SIAE: variants seen among roughly 807,000 people sequenced by gnomAD.
SIAE encodes sialic acid acetylesterase.
A neutral mutation model predicts 52.6 loss-of-function variants in SIAE; 39 were observed. That is an observed-to-expected ratio of 0.74 (90% confidence interval 0.57 to 0.97). The LOEUF is 0.97. Ranked by LOEUF, SIAE falls within the 50% of genes least tolerant of loss-of-function variation. The pLI is 0.00. For synonymous variants in SIAE, 233 were observed against 241.4 expected, an observed-to-expected ratio of 0.97 and a Z score of 0.32; for missense variants, 592 against 662.1, an observed-to-expected ratio of 0.89 and a Z score of 1.16.
At chr11:124,654,492 A>C in intron 4 of SIAE, 163 bp downstream of exon 4, 1 of 985,428 alleles carries the variant, frequency 1.0e-6, no homozygotes, top group Non-Finnish European at 1.2e-6. Flanking sequence ...TTGGGAAGAA[A>C]CCTGAAATAG....
chr11:124,639,913 A>C (rs1942817258), intron 7 of SIAE, 46 bp from the exon 8 acceptor site: 3 of 1,605,696 alleles, frequency 1.9e-6, no homozygotes, highest in Middle Eastern at 1.6e-4. Flanking sequence ...AGAATCCCAC[A>C]CTGGAGTCTT....
chr11:124,667,306 C>T (rs10400211), intron 2 of SIAE, among the ~76,000 whole-genome samples: 3,756 of 152,248 alleles, frequency 0.025, 133 homozygotes, highest in African/African-American at 0.079. Flanking sequence ...AAGTCACTGA[C>T]GGCATTTAGA....
chr11:124,664,916 G>A (rs10893281), intron 2 of SIAE, among the ~76,000 whole-genome samples: 18,452 of 119,870 alleles, frequency 0.15, 3,034 homozygotes, highest in African/African-American at 0.44. Context: ...GTTCCTCACT[G>A]GCTGCAAAGT....
At chr11:124,638,448 C>G in intron 9 of SIAE, 94 bp downstream of exon 9, 1 of 1,381,684 alleles carries the variant, frequency 7.2e-7, no homozygotes, top group Non-Finnish European at 1.0e-6. Flanking sequence ...CAAGACCCGC[C>G]ACATCGTAAT....
At position 124,638,571 on chromosome 11, in the gene SIAE, C is replaced by T. The variant is rs768637533; in HGVS notation, c.1291G>A (p.Val431Met). ...LNLTYYQQIQ[V>M]QKKDNKIFEI... ...AATATCTTGTTGTCCTTTTTCTGCACCTGGATTTGCTGGTAATATGTGAGA... is the reference window on the plus strand; with the variant it reads ...AATATCTTGTTGTCCTTTTTCTGCATCTGGATTTGCTGGTAATATGTGAGA... The change falls in exon 9 of 10, where the codon GTG (valine) becomes ATG (methionine). Residue 431 changes from valine to methionine, a missense_variant. Coordinates refer to ENST00000263593, the MANE Select transcript of SIAE (RefSeq NM_170601.5). 1 of 1,614,132 alleles carries T rather than the reference C, an allele frequency of 6.2e-7. No homozygotes were observed. The highest frequency in any genetic ancestry group is 8.5e-7 in the Non-Finnish European group (1 of 1,180,014).
intron 3 of SIAE, among the ~76,000 whole-genome samples, chr11:124,656,426 G>T (rs534445173): frequency 6.6e-6 from 1 of 152,274 alleles, no homozygotes; most frequent in African/African-American, 2.4e-5. Context: ...TAACAGCTCA[G>T]AACAGTCCCA....
rs1176024361 is a variant in SIAE, at chr11:124,635,049, T to C, written c.*1902A>G. 1.3e-5 allele frequency: 2 copies of C among 152,204 alleles called. No individual in the cohort carries two copies. The highest frequency in any genetic ancestry group is 4.8e-5 in the African/African-American group (2 of 41,444). 9.4% of individuals were successfully genotyped at this position (152,204 alleles called of 1,614,324 possible). A position where few individuals can be genotyped will look rare whatever the true frequency, so the allele number is the denominator to read the frequency against. Reference sequence around the variant, plus strand: ...TGCATGGCGTCATTAACATAATCATTGCCTGAACCGTATTTTTCACACTAT... The same window carrying C: ...TGCATGGCGTCATTAACATAATCATCGCCTGAACCGTATTTTTCACACTAT... On this transcript the variant is annotated 3_prime_UTR_variant, in exon 10 of 10. Coordinates refer to ENST00000263593, the MANE Select transcript of SIAE (RefSeq NM_170601.5).
At position 124,669,620 on chromosome 11, in the gene SIAE, A is replaced by G. The variant is rs950141065; in HGVS notation, c.68-99T>C. On this transcript the variant is annotated intron_variant, in intron 1 of 9. Transcript: ENST00000263593. The stretch of plus-strand genomic sequence containing the variant: ...AAAGAACATACAGTCTTTATGCAAG[A>G]GAATTTTAACATACTAAGTCCCTTT... 10 of 1,151,522 alleles carry G rather than the reference A, an allele frequency of 8.7e-6. No homozygotes were observed. In the African/African-American group the frequency reaches 1.4e-4, roughly 16 times the overall value. 71.3% of individuals were successfully genotyped at this position (1,151,522 alleles called of 1,614,324 possible).
chr11:124,674,660 C>G (rs571704045), upstream of SIAE: 1 of 152,274 alleles, frequency 6.6e-6, no homozygotes, highest in East Asian at 1.9e-4. Flanking sequence ...AAAATCATGA[C>G]ACACAGCCCC....
In SIAE at chr11:124,660,861, C is replaced by T. The variant is rs979459197; in HGVS notation, c.230-58G>A. 1.3e-5 allele frequency: 21 copies of T among 1,582,080 alleles called. No individual in the cohort carries two copies. In the East Asian group the frequency reaches 4.7e-4, roughly 35 times the overall value. ...CAATCAATTAAAGTGAAATCAAAGC[C>T]CAATTATACTCATTTGTGGCTATTC... On this transcript the variant is annotated intron_variant, in intron 2 of 9. Transcript: ENST00000263593.
rs1942674396 is a variant in SIAE at position 124,634,320 on chromosome 11, GCAAAACTCCAACT to G, written c.*2618_*2630del. ...ACTGCACTCCAGCCTGGGCAACAGAGCAAAACTCCAACTCAAAAACAAAAACAAAAACACCTTG... is the reference window on the plus strand; with the variant it reads ...ACTGCACTCCAGCCTGGGCAACAGAGCAAAAACAAAAACAAAAACACCTTG... On this transcript the variant is annotated 3_prime_UTR_variant, in exon 10 of 10. Coordinates refer to ENST00000263593, the MANE Select transcript of SIAE (RefSeq NM_170601.5). The G allele has an allele frequency of 6.6e-6, 1 of 152,220 alleles. No homozygotes were observed. The highest frequency in any genetic ancestry group is 1.5e-5 in the Non-Finnish European group (1 of 68,060). The allele number at this position is 152,220 out of a possible 1,614,324, so 9.4% of individuals were successfully genotyped here. A position where few individuals can be genotyped will look rare whatever the true frequency, so the allele number is the denominator to read the frequency against.
In SIAE at chr11:124,633,213, T is replaced by G. The variant is rs1471391242; in HGVS notation, c.*3738A>C. On this transcript the variant is annotated 3_prime_UTR_variant, in exon 10 of 10. Coordinates refer to ENST00000263593, the MANE Select transcript of SIAE (RefSeq NM_170601.5). ...ATGATAACACAAATTCACATATAATTGGGGGTTAGTCCCATACTCTATAAC... is the reference window on the plus strand; with the variant it reads ...ATGATAACACAAATTCACATATAATGGGGGGTTAGTCCCATACTCTATAAC... 1 of 152,226 alleles carries G rather than the reference T, an allele frequency of 6.6e-6. No homozygotes were observed. The highest frequency in any genetic ancestry group is 2.4e-5 in the African/African-American group (1 of 41,464). 9.4% of individuals were successfully genotyped at this position (152,226 alleles called of 1,614,324 possible). A position where few individuals can be genotyped will look rare whatever the true frequency, so the allele number is the denominator to read the frequency against.
chr11:124,661,991 T>G (rs759119467), intron 2 of SIAE, among the ~76,000 whole-genome samples: 1 of 152,210 alleles, frequency 6.6e-6, no homozygotes, highest in Non-Finnish European at 1.5e-5. Context: ...AACAGGTGAC[T>G]AATAAAAACT....
intron 2 of SIAE, among the ~76,000 whole-genome samples, chr11:124,667,550 AAACC>A (rs1178682713): frequency 6.6e-6 from 1 of 152,202 alleles, no homozygotes; most frequent in Non-Finnish European, 1.5e-5. Flanking sequence ...TATACTGATA[AAACC>A]AACCAGACAA....
rs1942796548 is a variant in SIAE at position 124,638,835 on chromosome 11, T to TAAGA, written c.1125-102_1125-99dup. 35 of 973,986 alleles carry TAAGA rather than the reference T, an allele frequency of 3.6e-5. No individual in the cohort carries two copies. In the South Asian group the frequency reaches 4.9e-4, roughly 14 times the overall value. 60.3% of individuals were successfully genotyped at this position (973,986 alleles called of 1,614,324 possible). A position where few individuals can be genotyped will look rare whatever the true frequency, so the allele number is the denominator to read the frequency against. On this transcript the variant is annotated intron_variant, in intron 8 of 9. Transcript: ENST00000263593. ...TTATACAAAGCACCCTTTATGAAAG[T>TAAGA]AAGAATAAAGTTGACTGAACTCTGT... is the stretch of plus-strand genomic sequence containing the variant.
chr11:124,658,240 G>GCACACACACA (rs10643725), intron 3 of SIAE, among the ~76,000 whole-genome samples: 10 of 145,180 alleles, frequency 6.9e-5, no homozygotes, highest in African/African-American at 2.5e-4. Context: ...GTGTGTCTGT[G>GCACACACACA]CACACACACA....
chr11:124,673,881 T>G, upstream of SIAE: 1 of 655,970 alleles, frequency 1.5e-6, no homozygotes, highest in Non-Finnish European at 2.5e-6. Flanking sequence ...TTTTTTTTTT[T>G]AAAGAAAAAA....
At chr11:124,648,836 C>T (rs1164993074) in intron 5 of SIAE, among the ~76,000 whole-genome samples, 1 of 152,164 alleles carries the variant, frequency 6.6e-6, no homozygotes, top group Admixed American at 6.5e-5. Flanking sequence ...GCAGGCCATT[C>T]TTCCTGTTCC....
rs754391393 is a variant in SIAE at position 124,647,434 on chromosome 11, G to C, written c.897C>G (p.Asp299Glu). The C allele has an allele frequency of 6.2e-7, 1 of 1,614,208 alleles. No individual in the cohort carries two copies. The highest frequency in any genetic ancestry group is 8.5e-7 in the Non-Finnish European group (1 of 1,180,036). Residue 299 changes from aspartate (D) to glutamate (E), a missense_variant, in exon 7 of 10, where the codon GAC (aspartate) becomes GAG (glutamate). Physicochemically the swap from Asp to Glu is conservative, Grantham distance 45. Transcript: ENST00000263593. ...YNCTFPALIE[D>E]WRETFHRGSQ... ...AACCACGGTGGAAGGTTTCACGCCA[G>C]TCTTCGATGAGTGCAGGGAATGTGC...
Sources: gnomAD v4.1 joint callset for allele counts (sites outside exome capture counted in the v4.1 genomes callset) on GRCh38, gnomAD v4.1.1 for gene constraint, MANE v1.5 for transcripts, NCBI Gene and HGNC (gene_info 2026-07-23, HGNC 2026-07-21) for gene names.